OPCML: variants seen among roughly 807,000 people sequenced by gnomAD.
The protein encoded by OPCML is opioid-binding protein/cell adhesion molecule.
Under a neutral mutation model 37.8 loss-of-function variants are expected in OPCML, and 13 were observed. The observed-to-expected ratio is 0.34, with a 90% confidence interval of 0.22 to 0.55. The LOEUF is 0.55. OPCML is among the 20% of genes least tolerant of loss of function. OPCML has a pLI of 0.91. For synonymous variants in OPCML, 176 were observed against 168.8 expected (o/e 1.04, Z -0.33); for missense variants, 341 against 435.6 (o/e 0.78, Z 1.93).
intron 1 of OPCML, among the ~76,000 whole-genome samples, chr11:133,112,728 G>A (rs78086279): frequency 6.6e-6 from 1 of 152,262 alleles, no homozygotes; most frequent in East Asian, 1.9e-4. Flanking sequence ...TCACACTGTA[G>A]TGCCATCACA....
At chr11:132,614,994 A>T (rs1037881655) in intron 3 of OPCML, among the ~76,000 whole-genome samples, 1 of 152,244 alleles carries the variant, frequency 6.6e-6, no homozygotes, top group Non-Finnish European at 1.5e-5. Flanking sequence ...TTAAAATGTG[A>T]CACATTTATT....
At chr11:132,985,328 T>G (rs1168443552) in intron 1 of OPCML, among the ~76,000 whole-genome samples, 2 of 152,168 alleles carry the variant, frequency 1.3e-5, no homozygotes, top group Non-Finnish European at 2.9e-5. Flanking sequence ...CTTCTAAGCT[T>G]ACTGGTGGTT....
chr11:133,040,180 A>G (rs542393090), intron 1 of OPCML, among the ~76,000 whole-genome samples: 105 of 152,120 alleles, frequency 6.9e-4, no homozygotes, highest in Middle Eastern at 3.4e-3. Context: ...ATTTTATGGC[A>G]TTTTTAAACC....
At chr11:132,456,894 T>C (rs994978314) in intron 4 of OPCML, among the ~76,000 whole-genome samples, 1 of 152,232 alleles carries the variant, frequency 6.6e-6, no homozygotes, top group East Asian at 1.9e-4. Context: ...AATCTGTCAA[T>C]GCCTGCATTA....
At chr11:132,442,143 G>A (rs1163240558) in intron 4 of OPCML, among the ~76,000 whole-genome samples, 1 of 152,174 alleles carries the variant, frequency 6.6e-6, no homozygotes, top group African/African-American at 2.4e-5. Flanking sequence ...TCTTCACCTT[G>A]CATAGTCTGC....
chr11:133,399,589 G>A (rs551901291), intron 1 of OPCML, among the ~76,000 whole-genome samples: 2 of 152,076 alleles, frequency 1.3e-5, no homozygotes, highest in South Asian at 2.1e-4. Context: ...GGCATTCAGC[G>A]AACAACACAA....
intron 4 of OPCML, among the ~76,000 whole-genome samples, chr11:132,524,985 C>T (rs2137268716): frequency 6.6e-6 from 1 of 152,300 alleles, no homozygotes; most frequent in South Asian, 2.1e-4. Context: ...AGAGGCTACC[C>T]AGACTCCTCT....
intron 1 of OPCML, among the ~76,000 whole-genome samples, chr11:133,345,515 T>C (rs1174533655): frequency 6.6e-6 from 1 of 152,232 alleles, no homozygotes; most frequent in Admixed American, 6.5e-5. Flanking sequence ...TCTAGCCTAG[T>C]CTTTCATTAA....
intron 1 of OPCML, among the ~76,000 whole-genome samples, chr11:133,209,861 T>A (rs1939280226): frequency 6.6e-6 from 1 of 152,216 alleles, no homozygotes; most frequent in Admixed American, 6.5e-5. Context: ...CTAACTGAGT[T>A]TCACCTCTAT....
rs1165199223 is a variant in OPCML, at chr11:133,495,752, T to C, written c.61+36512A>G. Among the ~76,000 whole-genome samples, 3 of 152,198 alleles carry C rather than the reference T, an allele frequency of 2.0e-5. No homozygotes were observed. The East Asian group carries it at 5.8e-4, about 29-fold the overall frequency. On this transcript the variant is annotated intron_variant, in intron 1 of 7. Coordinates refer to ENST00000524381, the MANE Select transcript of OPCML (RefSeq NM_001012393.5). ...CTTAACCCACCTTTTGATGGGATTT[T>C]TTTTTTCTTACTGATTTGTTTGACT...
intron 4 of OPCML, among the ~76,000 whole-genome samples, chr11:132,486,350 C>T (rs568430069): frequency 3.3e-5 from 5 of 152,184 alleles, no homozygotes; most frequent in Admixed American, 3.3e-4. Flanking sequence ...GAATGTGCCA[C>T]CAAGGTTTTG....
rs188926360 is a variant in OPCML, at chr11:132,907,570, G to C, written c.146+35356C>G. 5.4e-4 allele frequency among the ~76,000 whole-genome samples: 82 copies of C among 151,460 alleles called. No individual in the cohort carries two copies. The East Asian group carries it at 0.016, about 29-fold the overall frequency. ...CGCTTGAACCTGAGAGATGGAGGTC[G>C]CAGTGAGCCGAGATCACGCCACTGC... is the stretch of plus-strand genomic sequence containing the variant. On this transcript the variant is annotated intron_variant, in intron 2 of 7. Coordinates refer to ENST00000524381, the MANE Select transcript of OPCML (RefSeq NM_001012393.5).
chr11:133,495,319 T>G (rs1024477938), intron 1 of OPCML, among the ~76,000 whole-genome samples: 1 of 152,218 alleles, frequency 6.6e-6, no homozygotes, highest in Non-Finnish European at 1.5e-5. Flanking sequence ...GGTATTTGGG[T>G]TGGTTCCACG....
At chr11:132,816,372 A>G (rs1166718037) in intron 2 of OPCML, among the ~76,000 whole-genome samples, 1 of 152,200 alleles carries the variant, frequency 6.6e-6, no homozygotes, top group Non-Finnish European at 1.5e-5. Context: ...GGCATTATGT[A>G]AGTGAATGTG....
chr11:132,907,235 C>A (rs1265418687), intron 2 of OPCML, among the ~76,000 whole-genome samples: 1 of 152,190 alleles, frequency 6.6e-6, no homozygotes, highest in South Asian at 2.1e-4. Context: ...AACACTCTAA[C>A]GGTAAAAGCT....
At chr11:132,489,537 AG>A (rs1239419614) in intron 4 of OPCML, among the ~76,000 whole-genome samples, 3 of 152,196 alleles carry the variant, frequency 2.0e-5, no homozygotes, top group Non-Finnish European at 4.4e-5. Context: ...GGGCTATACC[AG>A]TGTCACCAGG....
chr11:133,175,984 G>T (rs1950367265), intron 1 of OPCML, among the ~76,000 whole-genome samples: 2 of 152,140 alleles, frequency 1.3e-5, no homozygotes, highest in South Asian at 2.1e-4. Flanking sequence ...TCAGACCTGG[G>T]TATGCATGAG....
At chr11:132,533,190 C>T (rs1194035792) in intron 3 of OPCML, among the ~76,000 whole-genome samples, 2 of 152,166 alleles carry the variant, frequency 1.3e-5, no homozygotes, top group Non-Finnish European at 2.9e-5. Context: ...TGAGCCTTCC[C>T]TGCTGGTGCT....
chr11:133,071,051 C>T (rs531014937), intron 1 of OPCML, among the ~76,000 whole-genome samples: 14 of 152,282 alleles, frequency 9.2e-5, no homozygotes, highest in Middle Eastern at 3.4e-3. Flanking sequence ...CTGCAGGGTA[C>T]GTTCTTAGAG....
Sources: allele counts gnomAD v4.1 joint callset (sites outside exome capture counted in the v4.1 genomes callset), GRCh38; gene constraint gnomAD v4.1.1; transcripts MANE v1.5; gene names NCBI Gene and HGNC (gene_info 2026-07-23, HGNC 2026-07-21).